Variants in MICAL3 observed in about 807,000 individuals in gnomAD.
MICAL3 encodes [F-actin]-monooxygenase MICAL3.
A neutral mutation model predicts 207.4 loss-of-function variants in MICAL3; 62 were observed. The observed-to-expected ratio is 0.30, with a 90% CI of 0.24 to 0.37. The LOEUF (loss-of-function observed/expected upper bound fraction) is 0.37. Among genes scored for constraint, MICAL3 ranks in the 10% least tolerant of loss-of-function variants. The pLI, the probability that MICAL3 is intolerant of heterozygous loss-of-function variation, is 1.00. For synonymous variants in MICAL3, 1,077 were observed against 1,069.3 expected (o/e 1.01, Z -0.14); for missense variants, 2,368 against 2,635.6 (o/e 0.90, Z 2.22).
chr22:17,983,519 C>CATCTCTACCTATTATCCTCAT (rs1936021232), intron 1 of MICAL3: 17 of 152,100 alleles, frequency 1.1e-4, no homozygotes, highest in African/African-American at 2.4e-4. Context: ...GGATGGAGAC[C>CATCTCTACCTATTATCCTCAT]GGCAGTGTCC....
intron 1 of MICAL3, among the ~76,000 whole-genome samples, chr22:17,982,679 TCATAACATAACATAA>T (rs11268253): frequency 4.9e-5 from 7 of 143,056 alleles, no homozygotes; most frequent in East Asian, 4.0e-4. Flanking sequence ...TCAAAAAAAT[TCATAACATAACATAA>T]CATAACATAA....
At position 17,808,957 on chromosome 22, in the gene MICAL3, C is replaced by A; in HGVS notation, c.5557-20G>T. 1 of 1,543,300 alleles carries A rather than the reference C, an allele frequency of 6.5e-7. No homozygotes were observed. ...GATGATCTATGACAGACAGCACAGA[C>A]TGAGCACCCGGCTCTCCAGCCCTGC... On this transcript the variant is annotated intron_variant, in intron 28 of 31. Transcript: ENST00000441493.
chr22:17,970,632 C>T (rs1935366940), intron 1 of MICAL3, among the ~76,000 whole-genome samples: 2 of 152,166 alleles, frequency 1.3e-5, no homozygotes, highest in Admixed American at 6.5e-5. Flanking sequence ...CCACCACTTC[C>T]TATGTTCCCT....
intron 29 of MICAL3, among the ~76,000 whole-genome samples, chr22:17,802,830 C>T (rs2061953761): frequency 6.6e-6 from 1 of 152,126 alleles, no homozygotes; most frequent in Admixed American, 6.5e-5. Flanking sequence ...GGTAGACTGC[C>T]AGATCAAGGA....
At chr22:18,015,059 C>A (rs752618875) in intron 1 of MICAL3, among the ~76,000 whole-genome samples, 1 of 151,938 alleles carries the variant, frequency 6.6e-6, no homozygotes, top group South Asian at 2.1e-4. Context: ...TCAAGTTTTC[C>A]CAGGCCTGTG....
intron 27 of MICAL3, among the ~76,000 whole-genome samples, chr22:17,812,171 C>T (rs1871140660): frequency 1.3e-5 from 2 of 152,248 alleles, no homozygotes; most frequent in African/African-American, 4.8e-5. Flanking sequence ...TAAGGGTCAT[C>T]AGTGGTGTTT....
chr22:17,868,864 C>T (rs1043716332), intron 17 of MICAL3, among the ~76,000 whole-genome samples: 2 of 151,616 alleles, frequency 1.3e-5, no homozygotes, highest in Non-Finnish European at 1.5e-5. Context: ...CCACTGAGTG[C>T]CCCCAGGCAA....
At position 17,808,886 on chromosome 22, in the gene MICAL3, C is replaced by T; in HGVS notation, c.5608G>A (p.Glu1870Lys). The change falls in exon 29 of 32, where the codon GAA (glutamate) becomes AAA (lysine). Residue 1870 changes from glutamate to lysine, a missense_variant. This residue lies in a region of MICAL3 where 1,770 missense variants were observed against 1,863.2 expected (regional missense o/e 0.95). Coordinates refer to ENST00000441493, the MANE Select transcript of MICAL3 (RefSeq NM_015241.3). ...QVEERQRRLEERGVAVEKALR... is the reference protein window; with the variant it reads ...QVEERQRRLEKRGVAVEKALR... ...GCCTTCTCCACAGCCACGCCCCTTT[C>T]CTCCAGCCGCCGCTGCCTCTCCTCC... The T allele has an allele frequency of 6.4e-7, 1 of 1,553,018 alleles. No homozygotes were observed. Among genetic ancestry groups the T allele is most frequent in the Non-Finnish European group, 8.7e-7 (1 of 1,148,180 alleles).
intron 1 of MICAL3, among the ~76,000 whole-genome samples, chr22:17,962,321 C>T (rs1327757464): frequency 2.0e-5 from 3 of 152,194 alleles, no homozygotes; most frequent in South Asian, 2.1e-4. Flanking sequence ...CAGAGAGGGC[C>T]GCTCAGGGAG....
intron 29 of MICAL3, among the ~76,000 whole-genome samples, chr22:17,794,229 C>A (rs1194715578): frequency 1.3e-5 from 2 of 152,236 alleles, no homozygotes; most frequent in African/African-American, 2.4e-5. Context: ...ATACCGGGGC[C>A]TTTGGGGCCT....
Position 17,834,691 on chromosome 22 carries a change from T to C in MICAL3, c.2802-2584A>G, listed in dbSNP as rs1303743919. The C allele has an allele frequency of 1.0e-5, 8 of 788,400 alleles. No individual in the cohort carries two copies. The East Asian group carries it at 6.4e-4, about 63-fold the overall frequency. The allele number at this position is 788,400 out of a possible 1,614,324, so 48.8% of individuals were successfully genotyped here. A position where few individuals can be genotyped will look rare whatever the true frequency, so the allele number is the denominator to read the frequency against. On this transcript the variant is annotated intron_variant, in intron 20 of 31. Coordinates refer to ENST00000441493, the MANE Select transcript of MICAL3 (RefSeq NM_015241.3). ...GAGGGCCAGGAGGAGAGGTCGAAAGTGGGCAAACCTAAGAATCTGGGCCAC... is the reference window on the plus strand; with the variant it reads ...GAGGGCCAGGAGGAGAGGTCGAAAGCGGGCAAACCTAAGAATCTGGGCCAC...
chr22:17,821,552 C>G, intron 24 of MICAL3, 43 bp from the exon 25 acceptor site: 1 of 1,493,436 alleles, frequency 6.7e-7, no homozygotes. Context: ...GAAGCCCCCC[C>G]ATGTGCCAGG....
Position 17,817,436 on chromosome 22 carries a change from G to A in MICAL3, c.5225C>T (p.Ser1742Phe), listed in dbSNP as rs748108439. ...GTCCTTCTTGTACCCGGAGAAGACG[G>A]ACTTCCACAGGGACTTGGGTTTGGC... ...AAAKPKSLWK[S>F]VFSGYKKDKK... Residue 1742 changes from serine (S) to phenylalanine (F), a missense_variant, in exon 26 of 32, where the codon TCC (serine) becomes TTC (phenylalanine). This residue lies in a region of MICAL3 where 1,770 missense variants were observed against 1,863.2 expected (regional missense o/e 0.95). Coordinates refer to ENST00000441493, the MANE Select transcript of MICAL3 (RefSeq NM_015241.3). 1 of 1,613,718 alleles carries A rather than the reference G, an allele frequency of 6.2e-7. No homozygotes were observed. The highest frequency in any genetic ancestry group is 8.5e-7 in the Non-Finnish European group (1 of 1,179,878).
At chr22:17,857,620 A>C (rs893040116) in intron 19 of MICAL3, among the ~76,000 whole-genome samples, 1 of 152,240 alleles carries the variant, frequency 6.6e-6, no homozygotes, top group Non-Finnish European at 1.5e-5. Flanking sequence ...GAGCTGGGTA[A>C]GTACAGAAAG....
intron 29 of MICAL3, among the ~76,000 whole-genome samples, chr22:17,792,086 A>G (rs1332085116): frequency 6.6e-6 from 1 of 152,228 alleles, no homozygotes; most frequent in East Asian, 1.9e-4. Context: ...AACCTCCCCC[A>G]GGGACGGCCT....
chr22:17,930,825 G>A (rs975735701), intron 1 of MICAL3, among the ~76,000 whole-genome samples: 1 of 152,222 alleles, frequency 6.6e-6, no homozygotes, highest in East Asian at 1.9e-4. Flanking sequence ...CAGAGACACG[G>A]GCACCTGGAG....
intron 1 of MICAL3, among the ~76,000 whole-genome samples, chr22:17,923,562 A>G (rs1932847742): frequency 6.6e-6 from 1 of 152,222 alleles, no homozygotes; most frequent in South Asian, 2.1e-4. Context: ...ACCTTCTGGT[A>G]CCTGCTGGGG....
chr22:17,846,962 C>T (rs1924692756), intron 19 of MICAL3, among the ~76,000 whole-genome samples: 1 of 152,226 alleles, frequency 6.6e-6, no homozygotes, highest in African/African-American at 2.4e-5. Flanking sequence ...GAGCTCCACA[C>T]ATCATTCTGG....
At chr22:17,958,463 G>A (rs1326376555) in intron 1 of MICAL3, among the ~76,000 whole-genome samples, 4 of 152,100 alleles carry the variant, frequency 2.6e-5, no homozygotes, top group Non-Finnish European at 5.9e-5. Context: ...CTCCTGCATC[G>A]GCCTTGGGCC....
Sources: gnomAD v4.1 joint callset for allele counts (sites outside exome capture counted in the v4.1 genomes callset) on GRCh38, gnomAD v4.1.1 for gene constraint, gnomAD v4.1.1 regional missense constraint, MANE v1.5 for transcripts, NCBI Gene and HGNC (gene_info 2026-07-23, HGNC 2026-07-21) for gene names.